The following SCML4 variants were observed in gnomAD, a reference collection of about 807,000 sequenced individuals.
SCML4 encodes the protein sex comb on midleg-like protein 4.
SCML4 carries 34 observed loss-of-function variants against 41.1 expected under a neutral mutation model. The observed-to-expected ratio is 0.83, with a 90% CI of 0.63 to 1.10. SCML4 has a LOEUF of 1.10. Among genes scored for constraint, SCML4 ranks in the 50% least tolerant of loss-of-function variants. The pLI is 0.00. For synonymous variants in SCML4, 214 were observed against 220.9 expected (o/e 0.97, Z 0.28); for missense variants, 522 against 534.1 (o/e 0.98, Z 0.22).
intron 5 of SCML4, among the ~76,000 whole-genome samples, chr6:107,727,098 TG>T (rs1203650552): frequency 6.6e-6 from 1 of 152,240 alleles, no homozygotes; most frequent in Admixed American, 6.5e-5. Flanking sequence ...TACTGATATC[TG>T]TTACAGTGTG....
At chr6:107,792,112 G>A (rs1480914472) in intron 1 of SCML4, among the ~76,000 whole-genome samples, 4 of 152,184 alleles carry the variant, frequency 2.6e-5, no homozygotes, top group East Asian at 1.9e-4. Flanking sequence ...AAAATTTCCC[G>A]AGATTATTTC....
At chr6:107,769,903 G>A (rs1291514889) in intron 2 of SCML4, among the ~76,000 whole-genome samples, 1 of 152,142 alleles carries the variant, frequency 6.6e-6, no homozygotes, top group Non-Finnish European at 1.5e-5. Context: ...CTGATGGAAG[G>A]CCTGGAAGCA....
chr6:107,750,611 G>A (rs566846660), intron 2 of SCML4, among the ~76,000 whole-genome samples: 6 of 152,240 alleles, frequency 3.9e-5, no homozygotes, highest in South Asian at 2.1e-4. Flanking sequence ...ACTCTAGACC[G>A]ATTAAGTCAG....
intron 1 of SCML4, among the ~76,000 whole-genome samples, chr6:107,799,130 T>C (rs1313089464): frequency 6.6e-6 from 1 of 152,210 alleles, no homozygotes; most frequent in Non-Finnish European, 1.5e-5. Context: ...GTATTTCAGT[T>C]GTTCTGTCAG....
chr6:107,831,433 A>AC, the SCML4 span, among the ~76,000 whole-genome samples: 2 of 144,184 alleles, frequency 1.4e-5, no homozygotes, highest in Admixed American at 6.9e-5. Context: ...AAAAAAAAAA[A>AC]CCCAGCTCGT....
At chr6:107,787,162 T>A (rs1275670927) in intron 1 of SCML4, among the ~76,000 whole-genome samples, 4 of 152,188 alleles carry the variant, frequency 2.6e-5, no homozygotes, top group Non-Finnish European at 5.9e-5. Context: ...CATGTCTCTA[T>A]AGGATATAAA....
At chr6:107,828,813 G>A (rs773412680), upstream of SCML4, among the ~76,000 whole-genome samples, 5 of 152,028 alleles carry the variant, frequency 3.3e-5, no homozygotes, top group Admixed American at 6.6e-5. Context: ...CCAGTCTGTC[G>A]CTTCTTCAAC....
intron 5 of SCML4, among the ~76,000 whole-genome samples, chr6:107,727,856 G>C (rs1776144888): frequency 6.6e-6 from 1 of 152,246 alleles, no homozygotes. Context: ...TTGTTGGAAA[G>C]TTCTCATAGT....
intron 2 of SCML4, among the ~76,000 whole-genome samples, chr6:107,764,496 G>T (rs1430645704): frequency 6.6e-6 from 1 of 152,128 alleles, no homozygotes; most frequent in Non-Finnish European, 1.5e-5. Flanking sequence ...GATCCTATGG[G>T]TTCAGATGCT....
the SCML4 span, among the ~76,000 whole-genome samples, chr6:107,845,397 C>T: frequency 3.9e-5 from 6 of 152,204 alleles, no homozygotes; most frequent in South Asian, 2.1e-4. Flanking sequence ...CTCCGGGGCC[C>T]GGCACTAGGA....
upstream of SCML4, among the ~76,000 whole-genome samples, chr6:107,827,752 TG>T (rs1423992553): frequency 6.6e-6 from 1 of 152,200 alleles, no homozygotes; most frequent in Non-Finnish European, 1.5e-5. Context: ...GCTACTGGGC[TG>T]GTGGTTAGCA....
At chr6:107,762,876 C>CTTTTTTTTTTTTTTTTTTTTTTTTTTT (rs57370632) in intron 2 of SCML4, among the ~76,000 whole-genome samples, 1 of 89,658 alleles carries the variant, frequency 1.1e-5, no homozygotes, top group Non-Finnish European at 1.9e-5. Context: ...TAAATGCACT[C>CTTTTTTTTTTTTTTTTTTTTTTTTTTT]TTTTTTTTTT....
Position 107,711,147 on chromosome 6 carries a change from C to T in SCML4, c.974-3136G>A, listed in dbSNP as rs1244281230. Reference sequence around the variant, plus strand: ...CTGGCACACTGTGCCCAGGAAGTCTCTGCTGGCTAGGACCAACCAAAACCT... The same window carrying T: ...CTGGCACACTGTGCCCAGGAAGTCTTTGCTGGCTAGGACCAACCAAAACCT... On this transcript the variant is annotated intron_variant, in intron 6 of 7. Coordinates refer to ENST00000369020, the MANE Select transcript of SCML4 (RefSeq NM_198081.5). Among the ~76,000 whole-genome samples the T allele has an allele frequency of 1.4e-5, 2 of 141,820 alleles. 1 individual carries two copies. Among genetic ancestry groups the T allele is most frequent in the African/African-American group, 5.3e-5 (2 of 37,500 alleles). 93.0% of individuals were successfully genotyped at this position (141,820 alleles called of 152,430 possible). A position where few individuals can be genotyped will look rare whatever the true frequency, so the allele number is the denominator to read the frequency against.
chr6:107,730,569 T>C (rs1195202046), intron 5 of SCML4, among the ~76,000 whole-genome samples: 1 of 152,232 alleles, frequency 6.6e-6, no homozygotes, highest in Non-Finnish European at 1.5e-5. Context: ...AATCATTAAA[T>C]CTTTTCCTCC....
chr6:107,840,615 A>T, the SCML4 span, among the ~76,000 whole-genome samples: 2 of 152,240 alleles, frequency 1.3e-5, no homozygotes, highest in Admixed American at 6.5e-5. Flanking sequence ...AAACAGGACA[A>T]ATAAGTAAAA....
chr6:107,836,145 T>A, the SCML4 span, among the ~76,000 whole-genome samples: 1 of 152,214 alleles, frequency 6.6e-6, no homozygotes, highest in African/African-American at 2.4e-5. Context: ...AATGTTCCCA[T>A]GCTTTAAGAT....
chr6:107,754,737 C>T lies in SCML4; in HGVS notation c.157-4924G>A, dbSNP rs186078401. Among the ~76,000 whole-genome samples the T allele has an allele frequency of 9.9e-5, 15 of 152,252 alleles. No homozygotes were observed. In the East Asian group the frequency reaches 1.9e-3, roughly 20 times the overall value. On this transcript the variant is annotated intron_variant, in intron 2 of 7. Coordinates refer to ENST00000369020, the MANE Select transcript of SCML4 (RefSeq NM_198081.5). ...ATGACGATGATGATGATGACTAAAA[C>T]GTAAATATCCAGACACTGTTTACTG...
intron 5 of SCML4, among the ~76,000 whole-genome samples, chr6:107,726,507 C>T (rs111267829): frequency 0.044 from 5,906 of 135,082 alleles, 446 homozygotes; most frequent in African/African-American, 0.16. Context: ...CACTCCAGCC[C>T]GGGCAACAGA....
the SCML4 span, among the ~76,000 whole-genome samples, chr6:107,830,528 T>A: frequency 6.6e-6 from 1 of 152,210 alleles, no homozygotes; most frequent in Admixed American, 6.5e-5. Flanking sequence ...AATTCCAAGA[T>A]GGCAGGGAAT....
Sources: gnomAD v4.1 joint callset for allele counts (sites outside exome capture counted in the v4.1 genomes callset) on GRCh38, gnomAD v4.1.1 for gene constraint, MANE v1.5 for transcripts, NCBI Gene and HGNC (gene_info 2026-07-23, HGNC 2026-07-21) for gene names.